Variants in LRRK1 observed in about 807,000 individuals in gnomAD.
LRRK1 encodes leucine rich repeat kinase 1.
Under a neutral mutation model 209.1 loss-of-function variants are expected in LRRK1, and 113 were observed. The observed-to-expected ratio is 0.54, with a 90% CI of 0.46 to 0.63. The LOEUF (loss-of-function observed/expected upper bound fraction) is 0.63, where lower values mean the gene tolerates loss of function less well. Ranked by LOEUF, LRRK1 falls within the 30% of genes least tolerant of loss-of-function variation. The probability of loss-of-function intolerance (pLI) is 0.00; values close to 1 mark genes in which losing one functional copy is unlikely to be tolerated. For synonymous variants in LRRK1, 1,144 were observed against 1,099.7 expected, an observed-to-expected ratio of 1.04 and a Z score of -0.80; for missense variants, 2,284 against 2,632.2, an observed-to-expected ratio of 0.87 and a Z score of 2.89.
chr15:101,007,826 T>G (rs150033085), intron 6 of LRRK1, among the ~76,000 whole-genome samples: 1 of 152,290 alleles, frequency 6.6e-6, no homozygotes, highest in East Asian at 1.9e-4. Flanking sequence ...CATTTTAGAC[T>G]GACTTTTACG....
chr15:101,023,611 A>G (rs1381489293), intron 15 of LRRK1, among the ~76,000 whole-genome samples: 1 of 152,208 alleles, frequency 6.6e-6, no homozygotes, highest in Non-Finnish European at 1.5e-5. Context: ...TTCACTGTGG[A>G]AAACTGAGGA....
chr15:100,996,659 T>C (rs1214235510), intron 6 of LRRK1, among the ~76,000 whole-genome samples: 1 of 152,200 alleles, frequency 6.6e-6, no homozygotes, highest in Non-Finnish European at 1.5e-5. Context: ...ATGTGCATGT[T>C]AGTGCTTCAT....
chr15:101,063,430 C>A lies in LRRK1; in HGVS notation c.4914+740C>A, dbSNP rs985475046. Among the ~76,000 whole-genome samples the A allele has an allele frequency of 3.9e-5, 6 of 152,348 alleles. No individual in the cohort carries two copies. In the East Asian group the frequency reaches 1.2e-3, roughly 29 times the overall value. On this transcript the variant is annotated intron_variant, in intron 31 of 33. Coordinates refer to ENST00000388948, the MANE Select transcript of LRRK1 (RefSeq NM_024652.6). The stretch of plus-strand genomic sequence containing the variant: ...TTCCCAGACGGCCTCCGATTCAGTT[C>A]TCAAGACCCGGGGCCTTGTCCCCTC...
chr15:100,953,072 G>T (rs903935548), intron 2 of LRRK1, among the ~76,000 whole-genome samples: 2 of 152,110 alleles, frequency 1.3e-5, no homozygotes, highest in African/African-American at 4.8e-5. Context: ...AAAATGATGA[G>T]CATAATCAAG....
At chr15:101,045,941 T>C (rs1226355009) in intron 20 of LRRK1, 40 bp from the exon 21 acceptor site, 1 of 1,574,788 alleles carries the variant, frequency 6.4e-7, no homozygotes, top group East Asian at 2.2e-5. Flanking sequence ...CAGTGGAGCT[T>C]GGGCCCCACT....
chr15:100,984,017 G>A (rs563935944), intron 4 of LRRK1, among the ~76,000 whole-genome samples: 5 of 152,250 alleles, frequency 3.3e-5, no homozygotes, highest in African/African-American at 7.2e-5. Context: ...TGGAATGTAC[G>A]GAGTTCCAGA....
intron 2 of LRRK1, among the ~76,000 whole-genome samples, chr15:100,940,428 C>T (rs945025513): frequency 6.6e-6 from 1 of 152,130 alleles, no homozygotes; most frequent in Non-Finnish European, 1.5e-5. Flanking sequence ...AAAATATCTT[C>T]AATGTCTCTC....
intron 21 of LRRK1, among the ~76,000 whole-genome samples, chr15:101,047,205 A>C (rs1335869326): frequency 1.3e-5 from 2 of 152,250 alleles, no homozygotes; most frequent in African/African-American, 4.8e-5. Flanking sequence ...AGCTCTATAA[A>C]AATGTTCTTT....
At chr15:100,950,878 C>T (rs546507079) in intron 2 of LRRK1, among the ~76,000 whole-genome samples, 24 of 152,222 alleles carry the variant, frequency 1.6e-4, no homozygotes, top group Admixed American at 3.3e-4. Context: ...CCAAGGCGGG[C>T]AGATCACGAG....
At chr15:101,048,050 T>C (rs1050043197) in intron 21 of LRRK1, among the ~76,000 whole-genome samples, 2 of 151,898 alleles carry the variant, frequency 1.3e-5, no homozygotes. Flanking sequence ...ATATACGAAA[T>C]TAGAAATCCA....
chr15:100,994,345 C>G (rs565630528), intron 6 of LRRK1, among the ~76,000 whole-genome samples: 2 of 152,328 alleles, frequency 1.3e-5, no homozygotes, highest in Admixed American at 1.3e-4. Flanking sequence ...AATCCTGATG[C>G]TCAGACCACA....
At chr15:101,058,623 G>GGGC (rs2035963116) in intron 29 of LRRK1, among the ~76,000 whole-genome samples, 1 of 148,860 alleles carries the variant, frequency 6.7e-6, no homozygotes, top group South Asian at 2.1e-4. Context: ...GCAACGGGGG[G>GGGC]GGGCGTCTAA....
intron 3 of LRRK1, among the ~76,000 whole-genome samples, chr15:100,979,253 T>C (rs1314794830): frequency 6.6e-6 from 1 of 152,162 alleles, no homozygotes. Context: ...GGGTAAAGAA[T>C]ATTGACAAAA....
chr15:101,021,479 G>A (rs535830612), intron 13 of LRRK1, among the ~76,000 whole-genome samples: 1 of 152,110 alleles, frequency 6.6e-6, no homozygotes, highest in African/African-American at 2.4e-5. Context: ...ACTGCCAGGG[G>A]TTCTAGGCAG....
intron 29 of LRRK1, among the ~76,000 whole-genome samples, chr15:101,059,353 G>T (rs2036017840): frequency 1.3e-5 from 2 of 152,164 alleles, no homozygotes; most frequent in Non-Finnish European, 2.9e-5. Flanking sequence ...GGTGGTGATT[G>T]TGCCACTGCA....
chr15:101,077,368 G>C lies in LRRK1; in HGVS notation c.*8520G>C, dbSNP rs1308332589. 6.6e-6 allele frequency: 1 copy of C among 152,280 alleles called. No individual in the cohort carries two copies. The highest frequency in any genetic ancestry group is 6.5e-5 in the Admixed American group (1 of 15,286). The allele number at this position is 152,280 out of a possible 1,614,324, so 9.4% of individuals were successfully genotyped here. On this transcript the variant is annotated 3_prime_UTR_variant, in exon 34 of 34. Coordinates refer to ENST00000388948, the MANE Select transcript of LRRK1 (RefSeq NM_024652.6). ...CTTGTTTACACTGCCAGTTTACACT[G>C]TTTCTCCAAGCCATCACAGCTGATA... is the stretch of plus-strand genomic sequence containing the variant.
intron 4 of LRRK1, 56 bp downstream of exon 4, chr15:100,983,755 T>G (rs1260235489): frequency 6.6e-7 from 1 of 1,519,284 alleles, no homozygotes; most frequent in African/African-American, 1.4e-5. Context: ...CTTCTTAGGC[T>G]TCACCCCAAA....
At chr15:101,033,266 C>T (rs1328244593) in intron 20 of LRRK1, among the ~76,000 whole-genome samples, 2 of 152,098 alleles carry the variant, frequency 1.3e-5, no homozygotes, top group Admixed American at 1.3e-4. Context: ...TTTATCCTTT[C>T]TATGTGTTGG....
intron 1 of LRRK1, among the ~76,000 whole-genome samples, chr15:100,922,623 G>A (rs551678598): frequency 7.9e-5 from 12 of 152,248 alleles, no homozygotes; most frequent in Admixed American, 2.0e-4. Context: ...TGATCGGAAC[G>A]TTTATTTTAA....
Sources: gnomAD v4.1 joint callset for allele counts (sites outside exome capture counted in the v4.1 genomes callset) on GRCh38, gnomAD v4.1.1 for gene constraint, MANE v1.5 for transcripts, NCBI Gene and HGNC (gene_info 2026-07-23, HGNC 2026-07-21) for gene names.